Variants in CSMD1 observed in about 807,000 individuals in gnomAD.
CSMD1 encodes the protein CUB and Sushi multiple domains 1, also known as CUB and sushi domain-containing protein 1.
In CSMD1, 213 loss-of-function variants were observed where a neutral mutation model predicts 417.5. That is an observed-to-expected ratio of 0.51 (90% confidence interval 0.46 to 0.57). The LOEUF is 0.57. CSMD1 is among the 20% of genes least tolerant of loss of function. The pLI is 0.00. For synonymous variants in CSMD1, 2,862 were observed against 1,736.8 expected (o/e 1.65, Z -16.11); for missense variants, 6,923 against 4,529.7 (o/e 1.53, Z -15.17).
chr8:4,429,906 T>C (rs1797776270), intron 2 of CSMD1, among the ~76,000 whole-genome samples: 1 of 152,056 alleles, frequency 6.6e-6, no homozygotes, highest in Non-Finnish European at 1.5e-5. Context: ...GGCCAAGACT[T>C]GGGGATTCAA....
intron 1 of CSMD1, among the ~76,000 whole-genome samples, chr8:4,670,121 T>C (rs1397852998): frequency 6.6e-6 from 1 of 152,184 alleles, no homozygotes; most frequent in Admixed American, 6.5e-5. Context: ...ACTTTCTGAT[T>C]AGGGTAGGGT....
At chr8:4,788,311 G>A in intron 1 of CSMD1, 1 of 1,578,306 alleles carries the variant, frequency 6.3e-7, no homozygotes, top group Non-Finnish European at 8.6e-7. Context: ...AGAAGTAATG[G>A]TTTGGGACCA....
intron 1 of CSMD1, among the ~76,000 whole-genome samples, chr8:4,733,088 T>G (rs1810009198): frequency 6.6e-6 from 1 of 152,168 alleles, no homozygotes; most frequent in African/African-American, 2.4e-5. Flanking sequence ...TTTAAAATGC[T>G]GATATTAAAG....
intron 3 of CSMD1, among the ~76,000 whole-genome samples, chr8:4,250,373 A>C (rs1802985460): frequency 6.6e-6 from 1 of 152,174 alleles, no homozygotes; most frequent in African/African-American, 2.4e-5. Flanking sequence ...GACTCTGTGC[A>C]TAGTGTCCCC....
intron 18 of CSMD1, among the ~76,000 whole-genome samples, chr8:3,384,798 G>C (rs1288274013): frequency 4.6e-5 from 5 of 107,770 alleles, no homozygotes; most frequent in Non-Finnish European, 1.8e-5. Context: ...ATTAATATAT[G>C]CTATTTATAT....
At chr8:2,965,151 C>G (rs1179798854) in intron 59 of CSMD1, among the ~76,000 whole-genome samples, 1 of 152,208 alleles carries the variant, frequency 6.6e-6, no homozygotes, top group Non-Finnish European at 1.5e-5. Flanking sequence ...AGCCGCCACT[C>G]AGCCCTGCTC....
intron 7 of CSMD1, among the ~76,000 whole-genome samples, chr8:3,658,670 C>G (rs1798253097): frequency 1.3e-5 from 2 of 151,908 alleles, no homozygotes; most frequent in Admixed American, 6.6e-5. Context: ...GTAATCCCAG[C>G]TACTCAGGAG....
intron 1 of CSMD1, among the ~76,000 whole-genome samples, chr8:4,802,421 A>G (rs1798351472): frequency 6.6e-6 from 1 of 151,852 alleles, no homozygotes; most frequent in Non-Finnish European, 1.5e-5. Flanking sequence ...TAACTTTGGG[A>G]ATTAACCTTT....
intron 5 of CSMD1, among the ~76,000 whole-genome samples, chr8:3,760,848 C>T (rs181719566): frequency 6.6e-6 from 1 of 152,136 alleles, no homozygotes; most frequent in Non-Finnish European, 1.5e-5. Flanking sequence ...TTGGGAGAGG[C>T]TTTAAATGAT....
At chr8:3,478,757 T>A (rs911176583) in intron 11 of CSMD1, among the ~76,000 whole-genome samples, 1 of 151,944 alleles carries the variant, frequency 6.6e-6, no homozygotes, top group African/African-American at 2.4e-5. Context: ...ACAACAAACA[T>A]CCAAGGAAGT....
intron 3 of CSMD1, among the ~76,000 whole-genome samples, chr8:4,281,599 T>C (rs1285962778): frequency 1.3e-5 from 2 of 152,180 alleles, no homozygotes; most frequent in East Asian, 3.9e-4. Flanking sequence ...CTAAGAAGTA[T>C]GTATAGCCAA....
chr8:4,660,691 C>G (rs1363257982), intron 1 of CSMD1, among the ~76,000 whole-genome samples: 4 of 2,276 alleles, frequency 1.8e-3, no homozygotes, highest in African/African-American at 0.016. Flanking sequence ...AAAAGACAAG[C>G]TACAGACCGC....
At chr8:4,243,765 G>A (rs1449815646) in intron 3 of CSMD1, among the ~76,000 whole-genome samples, 1 of 152,128 alleles carries the variant, frequency 6.6e-6, no homozygotes, top group Non-Finnish European at 1.5e-5. Context: ...CATCATTCTA[G>A]TATTCAACGA....
intron 10 of CSMD1, among the ~76,000 whole-genome samples, chr8:3,531,019 A>AT (rs34239725): frequency 0.032 from 4,553 of 142,282 alleles, 188 homozygotes; most frequent in African/African-American, 0.1. Context: ...TGCCCAGCTA[A>AT]TTTTTTTTTT....
intron 7 of CSMD1, among the ~76,000 whole-genome samples, chr8:3,690,766 T>A (rs140498133): frequency 1.3e-5 from 2 of 152,244 alleles, no homozygotes; most frequent in African/African-American, 4.8e-5. Flanking sequence ...CTTACTTTTA[T>A]AAGATAAAGT....
chr8:3,497,613 C>G (rs113825652), intron 10 of CSMD1, among the ~76,000 whole-genome samples: 33 of 152,232 alleles, frequency 2.2e-4, no homozygotes, highest in African/African-American at 7.9e-4. Flanking sequence ...AAAAGTATGG[C>G]TATTCCTGCT....
chr8:4,114,872 C>G (rs533305994), intron 3 of CSMD1, among the ~76,000 whole-genome samples: 1 of 152,288 alleles, frequency 6.6e-6, no homozygotes, highest in Non-Finnish European at 1.5e-5. Flanking sequence ...CATGATAAAA[C>G]TTAACAGATG....
intron 7 of CSMD1, among the ~76,000 whole-genome samples, chr8:3,694,311 A>T (rs1274212316): frequency 3.9e-5 from 6 of 152,034 alleles, no homozygotes; most frequent in Admixed American, 1.3e-4. Flanking sequence ...GGCTTCCAGG[A>T]GCACAGCAGC....
chr8:4,289,259 G>A (rs758438350), intron 3 of CSMD1, among the ~76,000 whole-genome samples: 2 of 152,066 alleles, frequency 1.3e-5, no homozygotes, highest in African/African-American at 2.4e-5. Flanking sequence ...GTTTTCCCTG[G>A]AAGCCTCTTT....
Sources: gnomAD v4.1 joint callset for allele counts (sites outside exome capture counted in the v4.1 genomes callset) on GRCh38, gnomAD v4.1.1 for gene constraint, MANE v1.5 for transcripts, NCBI Gene and HGNC (gene_info 2026-07-23, HGNC 2026-07-21) for gene names.